The following CNGB1 variants were observed in gnomAD, a reference collection of about 807,000 sequenced individuals.
CNGB1 encodes cyclic nucleotide-gated channel beta-1.
Under a neutral mutation model 151.7 loss-of-function variants are expected in CNGB1, and 126 were observed. The ratio of observed to expected loss-of-function variants is 0.83; its 90% CI spans 0.72 to 0.96. The LOEUF is 0.96. CNGB1 is among the 40% of genes least tolerant of loss of function. The pLI is 0.00. For missense variants in CNGB1, 1,698 were observed against 1,627.0 expected, an observed-to-expected ratio of 1.04 and a Z score of -0.75; for synonymous variants, 623 against 635.1, an observed-to-expected ratio of 0.98 and a Z score of 0.29.
chr16:57,954,978 G>T, intron 12 of CNGB1: 1 of 1,108,850 alleles, frequency 9.0e-7, no homozygotes, highest in South Asian at 2.8e-5. Flanking sequence ...CGAACTTCGG[G>T]GCTCAAGCAA....
chr16:57,934,317 C>G (rs901179769), intron 16 of CNGB1, among the ~76,000 whole-genome samples: 1 of 152,136 alleles, frequency 6.6e-6, no homozygotes, highest in Non-Finnish European at 1.5e-5. Context: ...TCACAGTGTT[C>G]CAGCTACTTG....
chr16:57,904,750 G>A lies in CNGB1; in HGVS notation c.2618C>T (p.Ser873Phe). The A allele has an allele frequency of 6.2e-7, 1 of 1,614,204 alleles. No individual in the cohort carries two copies. The highest frequency in any genetic ancestry group is 8.5e-7 in the Non-Finnish European group (1 of 1,180,046). The change falls in exon 26 of 33, where the codon TCT (serine) becomes TTT (phenylalanine). Residue 873 changes from serine (S) to phenylalanine (F), a missense_variant. Transcript: ENST00000251102. ...LNYFTGVFAF[S>F]VMIGQMRDVV... is the part of the protein sequence containing the mutation. Reference sequence around the variant, plus strand: ...CCCCGATACCTGTCCGATCATCACAGAGAAAGCAAAGACGCCCGTGAAATA... The same window carrying A: ...CCCCGATACCTGTCCGATCATCACAAAGAAAGCAAAGACGCCCGTGAAATA...
At chr16:57,895,224 TC>T (rs1278000524) in intron 31 of CNGB1, among the ~76,000 whole-genome samples, 1 of 152,136 alleles carries the variant, frequency 6.6e-6, no homozygotes, top group Non-Finnish European at 1.5e-5. Flanking sequence ...GGCAGGCAGA[TC>T]ACCTGAGGTC....
chr16:57,934,546 C>T (rs1006235056), intron 16 of CNGB1, among the ~76,000 whole-genome samples: 12 of 152,216 alleles, frequency 7.9e-5, no homozygotes, highest in African/African-American at 2.7e-4. Context: ...CTAGATCAGC[C>T]CCCTGTGTCA....
At chr16:57,905,496 T>C (rs1960524257) in intron 25 of CNGB1, among the ~76,000 whole-genome samples, 1 of 152,214 alleles carries the variant, frequency 6.6e-6, no homozygotes, top group African/African-American at 2.4e-5. Context: ...CTTGTGAACC[T>C]TCTGGAAGGG....
At chr16:57,951,726 C>T (rs1961952612) in intron 12 of CNGB1, among the ~76,000 whole-genome samples, 1 of 152,202 alleles carries the variant, frequency 6.6e-6, no homozygotes, top group African/African-American at 2.4e-5. Context: ...TTATAATTTG[C>T]ATCCCCATTT....
intron 14 of CNGB1, among the ~76,000 whole-genome samples, chr16:57,940,596 A>T (rs1961644173): frequency 6.6e-6 from 1 of 152,126 alleles, no homozygotes; most frequent in Admixed American, 6.5e-5. Context: ...AGCCTCCAGG[A>T]TGATGATTTT....
chr16:57,886,115 A>G (rs965245701), intron 32 of CNGB1, among the ~76,000 whole-genome samples: 3 of 152,270 alleles, frequency 2.0e-5, no homozygotes, highest in African/African-American at 7.2e-5. Flanking sequence ...AGTCTCGGAA[A>G]GCTTGAGGGG....
At chr16:57,956,731 A>G (rs1384065589) in intron 12 of CNGB1, among the ~76,000 whole-genome samples, 1 of 152,316 alleles carries the variant, frequency 6.6e-6, no homozygotes, top group East Asian at 1.9e-4. Context: ...TATTGAATGA[A>G]TGAATGAATG....
intron 12 of CNGB1, chr16:57,954,726 G>A: frequency 1.0e-6 from 1 of 985,436 alleles, no homozygotes; most frequent in Non-Finnish European, 1.2e-6. Flanking sequence ...ATTTGTTGCT[G>A]CTCATTGGTG....
Position 57,919,139 on chromosome 16 carries a change from C to G in CNGB1, c.1917G>C (p.Trp639Cys). The G allele has an allele frequency of 1.2e-6, 2 of 1,614,190 alleles. No individual in the cohort carries two copies. Among genetic ancestry groups the G allele is most frequent in the South Asian group, 2.2e-5 (2 of 91,082 alleles). Reference protein sequence around the residue: ...MLCCKFKHRPWKKYQFPQSID... With the variant: ...MLCCKFKHRPCKKYQFPQSID... The stretch of plus-strand genomic sequence containing the variant: ...TGCTCTGGGGAAACTGGTACTTCTT[C>G]CAGGGGCGGTGTTTGAACTTGCAGC... The change falls in exon 20 of 33, where the codon TGG (tryptophan) becomes TGC (cysteine). Residue 639 changes from tryptophan (W) to cysteine (C), a missense_variant. Coordinates refer to ENST00000251102, the MANE Select transcript of CNGB1 (RefSeq NM_001297.5).
At chr16:57,897,294 GTCATC>G (rs1180527313) in intron 31 of CNGB1, 98 bp downstream of exon 31, 3 of 1,245,560 alleles carry the variant, frequency 2.4e-6, no homozygotes, top group Non-Finnish European at 3.4e-6. Context: ...AGAGCAAGAT[GTCATC>G]TCAAAAAAAA....
At chr16:57,969,535 T>C (rs990261083) in intron 1 of CNGB1, among the ~76,000 whole-genome samples, 1 of 151,868 alleles carries the variant, frequency 6.6e-6, no homozygotes, top group Non-Finnish European at 1.5e-5. Context: ...CGAGAATCAC[T>C]GGAGCCCAAA....
Position 57,883,838 on chromosome 16 carries a change from C to T in CNGB1, c.*326G>A. ...CATGTATTGGAGCCTCATTTTATCC[C>T]TCACCCATGAACTTTAAAAGTGGAA... On this transcript the variant is annotated 3_prime_UTR_variant, in exon 33 of 33. Transcript: ENST00000251102. 1 of 460,482 alleles carries T rather than the reference C, an allele frequency of 2.2e-6. No homozygotes were observed. The highest frequency in any genetic ancestry group is 3.9e-6 in the Non-Finnish European group (1 of 253,642). The allele number at this position is 460,482 out of a possible 1,614,324, so 28.5% of individuals were successfully genotyped here.
At chr16:57,894,646 A>T (rs1325332942) in intron 31 of CNGB1, among the ~76,000 whole-genome samples, 1 of 152,186 alleles carries the variant, frequency 6.6e-6, no homozygotes, top group African/African-American at 2.4e-5. Context: ...CATTTTCGCA[A>T]AAGTAAGCAG....
intron 25 of CNGB1, among the ~76,000 whole-genome samples, chr16:57,906,956 GC>G: frequency 6.6e-6 from 1 of 152,300 alleles, no homozygotes; most frequent in Middle Eastern, 3.4e-3. Flanking sequence ...GGGACCCTGA[GC>G]CCCTGGCACA....
At chr16:57,949,982 T>C (rs762342763) in intron 13 of CNGB1, among the ~76,000 whole-genome samples, 2 of 152,164 alleles carry the variant, frequency 1.3e-5, no homozygotes, top group Non-Finnish European at 2.9e-5. Flanking sequence ...TGTCCATCAA[T>C]AGTGAAGAGG....
intron 16 of CNGB1, among the ~76,000 whole-genome samples, chr16:57,938,002 G>A (rs1490060506): frequency 6.6e-6 from 1 of 152,224 alleles, no homozygotes; most frequent in African/African-American, 2.4e-5. Flanking sequence ...AAATCACCAG[G>A]AGATCTTGTT....
At chr16:57,939,711 GC>G in intron 15 of CNGB1, 119 bp from the exon 16 acceptor site, 1 of 1,398,784 alleles carries the variant, frequency 7.1e-7, no homozygotes, top group African/African-American at 1.4e-5. Flanking sequence ...TTCTTGCCCT[GC>G]CCAGCCAGTC....
Sources: allele counts gnomAD v4.1 joint callset (sites outside exome capture counted in the v4.1 genomes callset), GRCh38; gene constraint gnomAD v4.1.1; transcripts MANE v1.5; gene names NCBI Gene and HGNC (gene_info 2026-07-23, HGNC 2026-07-21).